Variants in CAMK1D observed in about 807,000 individuals in gnomAD.
CAMK1D encodes calcium/calmodulin-dependent protein kinase type 1D.
A neutral mutation model predicts 47.7 loss-of-function variants in CAMK1D; 9 were observed. The observed-to-expected ratio is 0.19, with a 90% CI of 0.11 to 0.33. CAMK1D has a LOEUF of 0.33. CAMK1D is among the 10% of genes least tolerant of loss of function. The pLI is 1.00. For synonymous variants in CAMK1D, 184 were observed against 184.9 expected (o/e 0.99, Z 0.04); for missense variants, 291 against 488.7 (o/e 0.60, Z 3.81).
At chr10:12,401,235 ATT>A (rs1214513428) in intron 1 of CAMK1D, among the ~76,000 whole-genome samples, 20 of 37,338 alleles carry the variant, frequency 5.4e-4, no homozygotes, top group African/African-American at 2.0e-3. Flanking sequence ...TTATATATAT[ATT>A]TTATATATAT....
intron 3 of CAMK1D, among the ~76,000 whole-genome samples, chr10:12,739,288 C>G (rs376094587): frequency 3.3e-5 from 5 of 151,866 alleles, no homozygotes; most frequent in Non-Finnish European, 5.9e-5. Context: ...TCCCCTCTCC[C>G]CCCGAGACAG....
intron 1 of CAMK1D, among the ~76,000 whole-genome samples, chr10:12,450,268 C>T (rs1833046083): frequency 6.6e-6 from 1 of 152,144 alleles, no homozygotes; most frequent in African/African-American, 2.4e-5. Context: ...GTTTGTATTC[C>T]AGTTTCCCCA....
chr10:12,812,776 T>C (rs1449330985), intron 6 of CAMK1D, among the ~76,000 whole-genome samples: 2 of 152,172 alleles, frequency 1.3e-5, no homozygotes, highest in African/African-American at 4.8e-5. Context: ...GGCCGTCCAG[T>C]GTAAACCAAG....
intron 2 of CAMK1D, among the ~76,000 whole-genome samples, chr10:12,570,361 T>TC (rs1564418905): frequency 6.6e-6 from 1 of 151,954 alleles, no homozygotes; most frequent in Non-Finnish European, 1.5e-5. Context: ...AATTTTTTTT[T>TC]CCTCCTCTTC....
At chr10:12,642,067 G>C (rs1420114887) in intron 2 of CAMK1D, among the ~76,000 whole-genome samples, 1 of 139,088 alleles carries the variant, frequency 7.2e-6, no homozygotes, top group Non-Finnish European at 1.6e-5. Context: ...AAAAAAGAAA[G>C]AAAAGGCCGC....
chr10:12,756,126 A>G lies in CAMK1D; in HGVS notation c.300-4822A>G, dbSNP rs1234445958. Among the ~76,000 whole-genome samples, 3 of 152,214 alleles carry G rather than the reference A, an allele frequency of 2.0e-5. No homozygotes were observed. The East Asian group carries it at 5.8e-4, about 29-fold the overall frequency. On this transcript the variant is annotated intron_variant, in intron 3 of 10. Transcript: ENST00000619168. ...AGCATTGTACTGTTTGGCCTTCTTC[A>G]TATCATTTTATTACATCTAGCTTCC...
At chr10:12,659,213 T>A (rs1840203668) in intron 2 of CAMK1D, among the ~76,000 whole-genome samples, 1 of 152,204 alleles carries the variant, frequency 6.6e-6, no homozygotes, top group South Asian at 2.1e-4. Context: ...AACAAGTGAC[T>A]TGTAAGCCAT....
At chr10:12,604,204 A>G (rs972126202) in intron 2 of CAMK1D, among the ~76,000 whole-genome samples, 5 of 152,036 alleles carry the variant, frequency 3.3e-5, no homozygotes, top group South Asian at 4.1e-4. Flanking sequence ...TTAGCACCCA[A>G]CCAAGCCTGT....
At chr10:12,384,207 G>A (rs1413968117) in intron 1 of CAMK1D, among the ~76,000 whole-genome samples, 1 of 152,190 alleles carries the variant, frequency 6.6e-6, no homozygotes, top group Admixed American at 6.5e-5. Context: ...AATTAATGAA[G>A]ACTTAAATAA....
chr10:12,623,528 C>A (rs1839112938), intron 2 of CAMK1D, among the ~76,000 whole-genome samples: 1 of 146,966 alleles, frequency 6.8e-6, no homozygotes, highest in Non-Finnish European at 1.5e-5. Flanking sequence ...CTCTTCCTTC[C>A]TTTTTCCCCC....
At chr10:12,610,342 T>C (rs1838583154) in intron 2 of CAMK1D, among the ~76,000 whole-genome samples, 1 of 152,182 alleles carries the variant, frequency 6.6e-6, no homozygotes, top group South Asian at 2.1e-4. Flanking sequence ...GTAATATATC[T>C]GCTGTCCTCT....
intron 4 of CAMK1D, among the ~76,000 whole-genome samples, chr10:12,761,369 G>C (rs1836500279): frequency 3.3e-5 from 5 of 152,148 alleles, no homozygotes; most frequent in Admixed American, 3.3e-4. Context: ...ATTGCTTCGA[G>C]CCTATCTAAG....
At position 12,829,085 on chromosome 10, in the gene CAMK1D, G is replaced by T. The variant is rs1353671302; in HGVS notation, c.*198G>T. ...CATTTCTCACAAACTGTACTGACTC[G>T]AGGGGCGCTGATTTCATAGGATCTG... On this transcript the variant is annotated 3_prime_UTR_variant, in exon 11 of 11. Transcript: ENST00000619168. 5.6e-6 allele frequency: 3 copies of T among 531,374 alleles called. No homozygotes were observed. The highest frequency in any genetic ancestry group is 1.0e-5 in the Non-Finnish European group (3 of 301,072). The allele number at this position is 531,374 out of a possible 1,614,324, so 32.9% of individuals were successfully genotyped here.
intron 6 of CAMK1D, among the ~76,000 whole-genome samples, chr10:12,806,457 G>A (rs1838735328): frequency 6.6e-6 from 1 of 152,200 alleles, no homozygotes; most frequent in South Asian, 2.1e-4. Context: ...CTGTCAGACT[G>A]CTCTCTCTTC....
chr10:12,727,746 G>A (rs949584495), intron 3 of CAMK1D, among the ~76,000 whole-genome samples: 3 of 149,072 alleles, frequency 2.0e-5, no homozygotes, highest in African/African-American at 7.3e-5. Flanking sequence ...ACATGTGTCA[G>A]GCTTCTAAAT....
chr10:12,611,810 C>T (rs1838634765), intron 2 of CAMK1D, among the ~76,000 whole-genome samples: 1 of 151,984 alleles, frequency 6.6e-6, no homozygotes. Context: ...CCAGGCTGGT[C>T]TGGAACTCCT....
chr10:12,765,082 G>C (rs1203853743), intron 4 of CAMK1D, among the ~76,000 whole-genome samples: 1 of 152,110 alleles, frequency 6.6e-6, no homozygotes, highest in Non-Finnish European at 1.5e-5. Context: ...GTGACAGAGA[G>C]AGACTCCATC....
At chr10:12,690,261 G>C (rs1468214801) in intron 3 of CAMK1D, among the ~76,000 whole-genome samples, 1 of 152,128 alleles carries the variant, frequency 6.6e-6, no homozygotes, top group Admixed American at 6.5e-5. Flanking sequence ...ACTGTGTCTT[G>C]ACTCATTTCA....
chr10:12,669,240 C>CACACA (rs1554807256), intron 3 of CAMK1D, among the ~76,000 whole-genome samples: 3 of 151,160 alleles, frequency 2.0e-5, no homozygotes, highest in African/African-American at 7.3e-5. Flanking sequence ...TCGAAACAAA[C>CACACA]AAAAAAACCC....
Sources: gnomAD v4.1 joint callset for allele counts (sites outside exome capture counted in the v4.1 genomes callset) on GRCh38, gnomAD v4.1.1 for gene constraint, MANE v1.5 for transcripts, NCBI Gene and HGNC (gene_info 2026-07-23, HGNC 2026-07-21) for gene names.